The following VSTM2A variants were observed in gnomAD, a reference collection of about 807,000 sequenced individuals.
The protein encoded by VSTM2A is V-set and transmembrane domain-containing protein 2A.
In VSTM2A, 13 loss-of-function variants were observed where a neutral mutation model predicts 27.3. The observed-to-expected ratio is 0.48, with a 90% CI of 0.31 to 0.76. The LOEUF is 0.76. Ranked by LOEUF, VSTM2A falls within the 30% of genes least tolerant of loss-of-function variation. VSTM2A has a pLI of 0.05. For missense variants in VSTM2A, 280 were observed against 310.0 expected (o/e 0.90, Z 0.73); for synonymous variants, 142 against 125.7 (o/e 1.13, Z -0.87).
In VSTM2A at chr7:54,546,936, C is replaced by G; in HGVS notation, c.247-11C>G. ...CTGGCGCGGGACTGAGCGTTCGCTC[C>G]TTGCCCGCAGGTGGAGCTCTTGCCC... On this transcript the variant is annotated splice_polypyrimidine_tract_variant and intron_variant, in intron 2 of 4. Transcript: ENST00000402613. 1 of 1,598,684 alleles carries G rather than the reference C, an allele frequency of 6.3e-7. No homozygotes were observed. Among genetic ancestry groups the G allele is most frequent in the Non-Finnish European group, 8.5e-7 (1 of 1,174,776 alleles).
Position 54,546,985 on chromosome 7 carries a change from G to C in VSTM2A, c.285G>C (p.Gly95=). The change falls in exon 3 of 5, where the codon GGG becomes GGC. Residue 95 remains glycine (G), a synonymous_variant. Transcript: ENST00000402613. The part of the protein sequence containing the change: ...LLPDRDPDSD[G]TKISTVKVQG... Reference sequence around the variant, plus strand: ...CCGACAGAGACCCGGACAGCGACGGGACCAAGATCAGCGTGAGTGCGGGGC... The same window carrying C: ...CCGACAGAGACCCGGACAGCGACGGCACCAAGATCAGCGTGAGTGCGGGGC... 1 of 1,588,824 alleles carries C rather than the reference G, an allele frequency of 6.3e-7. No homozygotes were observed. Among genetic ancestry groups the C allele is most frequent in the Admixed American group, 1.7e-5 (1 of 58,144 alleles).
At chr7:54,545,774 G>A (rs1787935207) in intron 2 of VSTM2A, among the ~76,000 whole-genome samples, 1 of 107,404 alleles carries the variant, frequency 9.3e-6, no homozygotes, top group Admixed American at 1.0e-4. Context: ...AGAGAAAGGA[G>A]AAGAGAAGGA....
chr7:54,545,165 C>A (rs1000622132), intron 2 of VSTM2A, among the ~76,000 whole-genome samples: 16 of 152,002 alleles, frequency 1.1e-4, no homozygotes, highest in Non-Finnish European at 2.1e-4. Context: ...CCCCCCACCC[C>A]ACCCCCTCTC....
intron 2 of VSTM2A, chr7:54,546,569 C>CGCCCGCCT (rs1554330520): frequency 6.3e-6 from 1 of 157,846 alleles, no homozygotes; most frequent in African/African-American, 2.7e-5. Flanking sequence ...CCCGCCTGCC[C>CGCCCGCCT]GCCCGCCCAC....
chr7:54,563,675 G>A (rs1003193616), intron 4 of VSTM2A, among the ~76,000 whole-genome samples: 10 of 152,110 alleles, frequency 6.6e-5, no homozygotes, highest in African/African-American at 2.4e-4. Context: ...GTAGACCTGC[G>A]TTCGTGGGCA....
rs1788227725 is a variant in VSTM2A at position 54,552,514 on chromosome 7, A to G, written c.634+2344A>G. 4 of 152,298 alleles carry G rather than the reference A, an allele frequency of 2.6e-5. No homozygotes were observed. The South Asian group carries it at 6.2e-4, about 24-fold the overall frequency. 9.4% of individuals were successfully genotyped at this position (152,298 alleles called of 1,614,324 possible). A position where few individuals can be genotyped will look rare whatever the true frequency, so the allele number is the denominator to read the frequency against. On this transcript the variant is annotated intron_variant, in intron 4 of 4. Transcript: ENST00000402613. ...CTCACGATTTTCAGATTATATTCAA[A>G]TAAAGCTTATTTCAATACCCATGCT...
At chr7:54,553,105 G>T (rs1015057062) in intron 4 of VSTM2A, among the ~76,000 whole-genome samples, 2 of 152,200 alleles carry the variant, frequency 1.3e-5, no homozygotes, top group African/African-American at 4.8e-5. Flanking sequence ...AGATGGAAAA[G>T]ATAGTCTATG....
intron 4 of VSTM2A, chr7:54,558,127 G>A (rs1249859952): frequency 6.6e-6 from 1 of 151,936 alleles, no homozygotes; most frequent in Non-Finnish European, 1.5e-5. Flanking sequence ...ATAAATAACA[G>A]GTATTCTAAA....
intron 2 of VSTM2A, 84 bp from the exon 3 acceptor site, chr7:54,546,863 C>G: frequency 6.5e-7 from 1 of 1,550,352 alleles, no homozygotes; most frequent in Non-Finnish European, 8.7e-7. Context: ...CGGCCCTGCC[C>G]GGAGCCGCGA....
chr7:54,551,151 A>ACACACACACG (rs1251742394), intron 4 of VSTM2A: 1 of 151,822 alleles, frequency 6.6e-6, no homozygotes, highest in East Asian at 1.9e-4. Flanking sequence ...ACACACACAC[A>ACACACACACG]CACACACACA....
intron 2 of VSTM2A, among the ~76,000 whole-genome samples, chr7:54,546,438 C>T (rs1787971706): frequency 6.6e-6 from 1 of 151,542 alleles, no homozygotes; most frequent in Admixed American, 6.6e-5. Flanking sequence ...GAGCGCGGGG[C>T]GGGACGGCAG....
chr7:54,549,663 G>A (rs765878993), intron 3 of VSTM2A, among the ~76,000 whole-genome samples, 171 bp from the exon 4 acceptor site: 77 of 152,206 alleles, frequency 5.1e-4, no homozygotes, highest in Admixed American at 3.3e-4. Context: ...TGGTGGAATA[G>A]GATAGCCAAG....
chr7:54,546,851 G>A (rs1206615098), intron 2 of VSTM2A, 96 bp from the exon 3 acceptor site: 74 of 1,494,942 alleles, frequency 5.0e-5, no homozygotes, highest in Non-Finnish European at 6.4e-5. Context: ...AGGTCACCCT[G>A]ACGGCCCTGC....
At chr7:54,567,752 T>C (rs983010706) in intron 4 of VSTM2A, among the ~76,000 whole-genome samples, 2 of 149,386 alleles carry the variant, frequency 1.3e-5, no homozygotes, top group African/African-American at 5.1e-5. Context: ...CATTTAATAA[T>C]TTATTTTTCT....
intron 1 of VSTM2A, 90 bp downstream of exon 1, chr7:54,542,899 C>A: frequency 8.0e-7 from 1 of 1,250,902 alleles, no homozygotes; most frequent in Non-Finnish European, 1.1e-6. Context: ...ATAGAATAAG[C>A]TTCCTAGCAA....
chr7:54,568,349 C>T (rs1006522050), intron 4 of VSTM2A, among the ~76,000 whole-genome samples: 2 of 152,158 alleles, frequency 1.3e-5, no homozygotes, highest in Non-Finnish European at 2.9e-5. Flanking sequence ...CTTTGATCCT[C>T]ATCACATTTT....
chr7:54,550,987 C>T (rs966208187), intron 4 of VSTM2A: 7 of 152,102 alleles, frequency 4.6e-5, no homozygotes, highest in African/African-American at 1.4e-4. Flanking sequence ...TGACTTTATC[C>T]TTCTTTAGGT....
chr7:54,568,927 T>A, intron 4 of VSTM2A: 1 of 1,451,616 alleles, frequency 6.9e-7, no homozygotes, highest in East Asian at 2.5e-5. Flanking sequence ...ATTAAATATA[T>A]ATATGTATGT....
At position 54,544,749 on chromosome 7, in the gene VSTM2A, G is replaced by A. The variant is rs1430722325; in HGVS notation, c.207G>A (p.Pro69=). ...TCCAATGGTGGTTCCTGCGGGGGCC[G>A]GAGGACCTGGATCCCGGGGCCGAGG... ...LEIQWWFLRG[P]EDLDPGAEGA... The change falls in exon 2 of 5, where the codon CCG becomes CCA. Residue 69 remains proline (P), a synonymous_variant. Coordinates refer to ENST00000402613, the MANE Select transcript of VSTM2A (RefSeq NM_001301009.2). 1.9e-6 allele frequency: 3 copies of A among 1,612,192 alleles called. No individual in the cohort carries two copies. The highest frequency in any genetic ancestry group is 4.5e-5 in the East Asian group (2 of 44,830).
Sources: allele counts gnomAD v4.1 joint callset (sites outside exome capture counted in the v4.1 genomes callset), GRCh38; gene constraint gnomAD v4.1.1; transcripts MANE v1.5; gene names NCBI Gene and HGNC (gene_info 2026-07-23, HGNC 2026-07-21).